The following RAD51B variants were observed in gnomAD, a reference collection of about 807,000 sequenced individuals.
RAD51B encodes DNA repair protein RAD51 homolog 2.
Under a neutral mutation model 42.2 loss-of-function variants are expected in RAD51B, and 38 were observed. That is an observed-to-expected ratio of 0.90 (90% CI 0.70 to 1.18). RAD51B has a LOEUF of 1.18. Among genes scored for constraint, RAD51B ranks in the 50% most tolerant of loss-of-function variants. The probability of loss-of-function intolerance (pLI) is 0.00; values close to 1 mark genes in which losing one functional copy is unlikely to be tolerated. For synonymous variants in RAD51B, 154 were observed against 145.2 expected, an observed-to-expected ratio of 1.06 and a Z score of -0.43; for missense variants, 373 against 400.7, an observed-to-expected ratio of 0.93 and a Z score of 0.59.
intron 7 of RAD51B, among the ~76,000 whole-genome samples, chr14:68,127,275 C>T (rs1331978365): frequency 6.6e-6 from 1 of 152,100 alleles, no homozygotes; most frequent in African/African-American, 2.4e-5. Flanking sequence ...ACCTGGTTTC[C>T]TCCTGAGTGG....
intron 4 of RAD51B, among the ~76,000 whole-genome samples, chr14:67,841,260 AC>A (rs1874930333): frequency 6.6e-6 from 1 of 152,018 alleles, no homozygotes; most frequent in African/African-American, 2.4e-5. Context: ...TCCTTTACCC[AC>A]TTTTAATGGG....
At chr14:68,371,197 G>A (rs747410884) in intron 8 of RAD51B, among the ~76,000 whole-genome samples, 5 of 152,026 alleles carry the variant, frequency 3.3e-5, no homozygotes. Flanking sequence ...AGATTGGGGT[G>A]GGAGGTGCAG....
At chr14:68,039,399 G>T (rs2076183352) in intron 7 of RAD51B, among the ~76,000 whole-genome samples, 1 of 140,832 alleles carries the variant, frequency 7.1e-6, no homozygotes, top group South Asian at 2.2e-4. Context: ...CTGCACTCCA[G>T]CCTGGTGACA....
chr14:68,411,614 C>A, intron 9 of RAD51B, 87 bp downstream of exon 9: 1 of 1,268,264 alleles, frequency 7.9e-7, no homozygotes, highest in Non-Finnish European at 1.1e-6. Context: ...AAATGCTGGC[C>A]GCATTGTCTG....
chr14:67,929,673 G>T (rs2044654007), intron 7 of RAD51B, among the ~76,000 whole-genome samples: 1 of 152,080 alleles, frequency 6.6e-6, no homozygotes, highest in South Asian at 2.1e-4. Context: ...AGATTGGGAT[G>T]TTGAAGTACC....
chr14:68,045,967 GCAGCAA>G (rs2076292828), intron 7 of RAD51B, among the ~76,000 whole-genome samples: 1 of 151,904 alleles, frequency 6.6e-6, no homozygotes. Context: ...CTTCGACATG[GCAGCAA>G]CAGCAACAGC....
intron 7 of RAD51B, among the ~76,000 whole-genome samples, chr14:68,087,861 TATATAATATATTATTTATATAATTATATA>T (rs1432823157): frequency 0.2 from 25,983 of 127,984 alleles, 3,141 homozygotes; most frequent in Middle Eastern, 0.34. Flanking sequence ...TATATATAAT[TATATAATATATTATTTATATAATTATATA>T]ATATATTATT....
chr14:68,342,706 C>T (rs896690194), intron 8 of RAD51B, among the ~76,000 whole-genome samples: 2 of 143,292 alleles, frequency 1.4e-5, no homozygotes, highest in Non-Finnish European at 3.1e-5. Flanking sequence ...AAGGTTTATC[C>T]TTGTCACCAT....
At chr14:68,440,290 C>T (rs1217034750) in intron 9 of RAD51B, among the ~76,000 whole-genome samples, 2 of 152,228 alleles carry the variant, frequency 1.3e-5, no homozygotes, top group Non-Finnish European at 2.9e-5. Flanking sequence ...GTGGCTTTTA[C>T]TTTGCAATGT....
At chr14:68,127,734 A>G (rs1385219198) in intron 7 of RAD51B, among the ~76,000 whole-genome samples, 1 of 152,072 alleles carries the variant, frequency 6.6e-6, no homozygotes, top group Non-Finnish European at 1.5e-5. Context: ...TGATATCATC[A>G]TGATAGGAAG....
intron 7 of RAD51B, among the ~76,000 whole-genome samples, chr14:67,928,673 G>C (rs907880093): frequency 6.6e-5 from 10 of 152,014 alleles, no homozygotes; most frequent in Non-Finnish European, 1.5e-4. Flanking sequence ...GCCATGTTGG[G>C]TGGACCTAGT....
intron 7 of RAD51B, among the ~76,000 whole-genome samples, chr14:68,274,515 G>C (rs2081183041): frequency 6.6e-6 from 1 of 152,112 alleles, no homozygotes; most frequent in Admixed American, 6.6e-5. Flanking sequence ...AGATTTCCCT[G>C]ATTGTCTCAA....
At chr14:68,608,059 C>T (rs1891523966) in intron 10 of RAD51B, among the ~76,000 whole-genome samples, 2 of 152,204 alleles carry the variant, frequency 1.3e-5, no homozygotes, top group Non-Finnish European at 2.9e-5. Flanking sequence ...AGAAAGGACA[C>T]CTAGGTCTGC....
chr14:68,570,525 T>C (rs1889642095), intron 10 of RAD51B, among the ~76,000 whole-genome samples: 1 of 152,150 alleles, frequency 6.6e-6, no homozygotes, highest in South Asian at 2.1e-4. Flanking sequence ...TACTAAACAC[T>C]CTATGCTATT....
At chr14:68,376,174 C>T (rs1462575342) in intron 8 of RAD51B, among the ~76,000 whole-genome samples, 1 of 152,132 alleles carries the variant, frequency 6.6e-6, no homozygotes, top group African/African-American at 2.4e-5. Context: ...TTGAACAATA[C>T]TGCAAGTATT....
At chr14:67,937,804 GT>G (rs143479182) in intron 7 of RAD51B, among the ~76,000 whole-genome samples, 27,013 of 152,072 alleles carry the variant, frequency 0.18, 2,606 homozygotes, top group Middle Eastern at 0.36. Flanking sequence ...AAATACAATG[GT>G]AATAGTGAGG....
At chr14:68,150,472 ATCT>A (rs201942039) in intron 7 of RAD51B, among the ~76,000 whole-genome samples, 82 of 57,636 alleles carry the variant, frequency 1.4e-3, no homozygotes, top group African/African-American at 2.8e-3. Flanking sequence ...ACTTATTTAG[ATCT>A]TCTTTGATTT....
chr14:68,674,488 T>A (rs1893263653), intron 11 of RAD51B, among the ~76,000 whole-genome samples: 1 of 151,820 alleles, frequency 6.6e-6, no homozygotes. Flanking sequence ...TTTAGATATA[T>A]TTAATGAATA....
chr14:68,152,298 A>G (rs2078405388), intron 7 of RAD51B, among the ~76,000 whole-genome samples: 1 of 152,212 alleles, frequency 6.6e-6, no homozygotes, highest in Non-Finnish European at 1.5e-5. Context: ...ATCAGACCAC[A>G]TATATGAACT....
Sources: allele counts gnomAD v4.1 joint callset (sites outside exome capture counted in the v4.1 genomes callset), GRCh38; gene constraint gnomAD v4.1.1; transcripts MANE v1.5; gene names NCBI Gene and HGNC (gene_info 2026-07-23, HGNC 2026-07-21).